Variants in SPHKAP observed in about 807,000 individuals in gnomAD.
SPHKAP encodes SPHK1 interactor, AKAP domain containing, also known as A-kinase anchor protein SPHKAP.
In SPHKAP, 67 loss-of-function variants were observed where a neutral mutation model predicts 137.5. The ratio of observed to expected loss-of-function variants is 0.49; its 90% CI spans 0.40 to 0.60. SPHKAP has a LOEUF of 0.60. SPHKAP is among the 20% of genes least tolerant of loss of function. The probability of loss-of-function intolerance (pLI) is 0.00; values close to 1 mark genes in which losing one functional copy is unlikely to be tolerated. For missense variants in SPHKAP, 2,097 were observed against 2,069.3 expected, an observed-to-expected ratio of 1.01 and a Z score of -0.26; for synonymous variants, 813 against 785.3, an observed-to-expected ratio of 1.04 and a Z score of -0.59.
rs543088482 is a variant in SPHKAP, at chr2:228,089,814, G to A, written c.246+19018C>T. Among the ~76,000 whole-genome samples the A allele has an allele frequency of 5.9e-5, 9 of 152,298 alleles. No homozygotes were observed. In the South Asian group the frequency reaches 1.7e-3, roughly 28 times the overall value. On this transcript the variant is annotated intron_variant, in intron 3 of 11. Transcript: ENST00000392056. ...TGCTGTAAGCCTTGGCAGCTTCCAT[G>A]TTGTGTTAAGTCTGCAGGTGCACAG...
chr2:228,101,081 T>A (rs1235363546), intron 3 of SPHKAP, among the ~76,000 whole-genome samples: 1 of 152,158 alleles, frequency 6.6e-6, no homozygotes, highest in African/African-American at 2.4e-5. Context: ...AATGTCTATC[T>A]CTTGCCCTGA....
At chr2:228,118,436 G>A (rs561525441) in intron 2 of SPHKAP, among the ~76,000 whole-genome samples, 1 of 151,836 alleles carries the variant, frequency 6.6e-6, no homozygotes, top group Non-Finnish European at 1.5e-5. Flanking sequence ...ATAAGAAACT[G>A]AAAAAATGTC....
rs1697398030 is a variant in SPHKAP at position 228,082,583 on chromosome 2, T to A, written c.246+26249A>T. On this transcript the variant is annotated intron_variant, in intron 3 of 11. Transcript: ENST00000392056. ...ACTTTTATAATTAAGGGATCCTCTG[T>A]CTTTGTATAAAAAGGAACAAGGATA... 2.0e-5 allele frequency among the ~76,000 whole-genome samples: 3 copies of A among 152,206 alleles called. 1 individual carries two copies. The South Asian group carries it at 6.2e-4, about 31-fold the overall frequency.
At chr2:228,042,161 AGCT>A (rs1695877400) in intron 3 of SPHKAP, among the ~76,000 whole-genome samples, 3 of 152,194 alleles carry the variant, frequency 2.0e-5, no homozygotes, top group Admixed American at 2.0e-4. Flanking sequence ...TCCTGGAAGG[AGCT>A]GCATTTAGGT....
At chr2:228,117,658 T>C (rs1698754655) in intron 2 of SPHKAP, among the ~76,000 whole-genome samples, 1 of 152,114 alleles carries the variant, frequency 6.6e-6, no homozygotes, top group Non-Finnish European at 1.5e-5. Context: ...GAATTCACTT[T>C]TTATGTGTAA....
intron 7 of SPHKAP, among the ~76,000 whole-genome samples, chr2:228,016,015 AAGGT>A (rs1694573862): frequency 6.6e-6 from 1 of 152,230 alleles, no homozygotes; most frequent in Non-Finnish European, 1.5e-5. Context: ...TGAATTTTAA[AAGGT>A]AGGAAACCGT....
intron 5 of SPHKAP, chr2:228,022,217 C>T (rs1460755180): frequency 1.1e-5 from 11 of 985,016 alleles, no homozygotes; most frequent in Non-Finnish European, 1.3e-5. Flanking sequence ...TTTAATTTCC[C>T]TTGGTCAAAG....
intron 11 of SPHKAP, among the ~76,000 whole-genome samples, chr2:227,982,968 G>A (rs1693054991): frequency 6.6e-6 from 1 of 152,122 alleles, no homozygotes; most frequent in Non-Finnish European, 1.5e-5. Flanking sequence ...CTATGTTCTT[G>A]ATATTTACTT....
chr2:228,180,321 AGG>A (rs1430394109), intron 1 of SPHKAP, among the ~76,000 whole-genome samples: 3 of 152,172 alleles, frequency 2.0e-5, no homozygotes, highest in South Asian at 2.1e-4. Context: ...CAAATAATTC[AGG>A]TCTCTAGATG....
rs551217535 is a variant in SPHKAP, at chr2:228,095,350, T to C, written c.246+13482A>G. 1.4e-4 allele frequency among the ~76,000 whole-genome samples: 21 copies of C among 152,292 alleles called. No individual in the cohort carries two copies. The South Asian group carries it at 4.3e-3, about 32-fold the overall frequency. ...AGAAGCAACCAGGCTTTTGGACAGA[T>C]CTTTGGGAAACATCACATTAAAGTG... is the stretch of plus-strand genomic sequence containing the variant. On this transcript the variant is annotated intron_variant, in intron 3 of 11. Transcript: ENST00000392056.
rs28861526 is a variant in SPHKAP, at chr2:228,032,716, C to A, written c.247-5173G>T. On this transcript the variant is annotated intron_variant, in intron 3 of 11. Transcript: ENST00000392056. The stretch of plus-strand genomic sequence containing the variant: ...CTACAAGCCAGAAAAGAGTAGGGAC[C>A]AATATTCAACATTCTTAAAGAAAAG... 3.1e-3 allele frequency among the ~76,000 whole-genome samples: 473 copies of A among 152,254 alleles called. 8 individuals are homozygous for A. Among genetic ancestry groups the A allele is most frequent in the African/African-American group, 0.01 (423 of 41,550 alleles).
intron 3 of SPHKAP, among the ~76,000 whole-genome samples, chr2:228,075,203 A>T (rs944342944): frequency 4.6e-5 from 7 of 152,232 alleles, no homozygotes; most frequent in African/African-American, 7.2e-5. Flanking sequence ...TTTTATAATA[A>T]CTGCATTATT....
chr2:228,037,174 C>A (rs1695653433), intron 3 of SPHKAP, among the ~76,000 whole-genome samples: 1 of 151,928 alleles, frequency 6.6e-6, no homozygotes, highest in Non-Finnish European at 1.5e-5. Flanking sequence ...ACTCTAAAGA[C>A]ATAATTTGGA....
chr2:228,127,213 A>G (rs771548217), intron 2 of SPHKAP, among the ~76,000 whole-genome samples: 2 of 152,222 alleles, frequency 1.3e-5, no homozygotes, highest in Non-Finnish European at 2.9e-5. Context: ...TATACAGAAC[A>G]TACATTGCAT....
intron 7 of SPHKAP, among the ~76,000 whole-genome samples, chr2:228,015,947 TTAA>T (rs1458294205): frequency 4.1e-4 from 62 of 152,320 alleles, no homozygotes; most frequent in Middle Eastern, 3.4e-3. Flanking sequence ...TCATTTATTA[TTAA>T]TATTATTGCA....
intron 3 of SPHKAP, among the ~76,000 whole-genome samples, chr2:228,041,306 G>C (rs1364293073): frequency 1.3e-5 from 2 of 151,886 alleles, no homozygotes; most frequent in African/African-American, 4.8e-5. Flanking sequence ...TACCTCCAAG[G>C]GCTCTTAGGA....
At chr2:228,179,625 T>C (rs1291858603) in intron 1 of SPHKAP, among the ~76,000 whole-genome samples, 3 of 152,142 alleles carry the variant, frequency 2.0e-5, no homozygotes, top group African/African-American at 7.2e-5. Context: ...TTTGTGGAAA[T>C]TGGTGAATAA....
At chr2:228,051,850 C>A (rs1696265198) in intron 3 of SPHKAP, among the ~76,000 whole-genome samples, 1 of 152,184 alleles carries the variant, frequency 6.6e-6, no homozygotes, top group Admixed American at 6.6e-5. Flanking sequence ...TTCATCCTCA[C>A]CTACTCACCT....
At position 228,106,874 on chromosome 2, in the gene SPHKAP, A is replaced by G. The variant is rs190601656; in HGVS notation, c.246+1958T>C. On this transcript the variant is annotated intron_variant, in intron 3 of 11. Coordinates refer to ENST00000392056, the MANE Select transcript of SPHKAP (RefSeq NM_001142644.2). ...AGGACACTTTTGAGAGATTAGGGTT[A>G]GTTTTTCATAGGGACCCTGAAATTT... 4.1e-3 allele frequency among the ~76,000 whole-genome samples: 630 copies of G among 152,320 alleles called. 2 individuals carry two copies. The highest frequency in any genetic ancestry group is 8.3e-3 in the South Asian group (40 of 4,828).
Sources: gnomAD v4.1 joint callset for allele counts (sites outside exome capture counted in the v4.1 genomes callset) on GRCh38, gnomAD v4.1.1 for gene constraint, MANE v1.5 for transcripts, NCBI Gene and HGNC (gene_info 2026-07-23, HGNC 2026-07-21) for gene names.